IRX3: variants seen among roughly 807,000 people sequenced by gnomAD.
IRX3 encodes the protein iroquois homeobox 3, also known as iroquois-class homeodomain protein IRX-3.
Under a neutral mutation model 36.4 loss-of-function variants are expected in IRX3, and 20 were observed. The observed-to-expected ratio is 0.55, with a 90% CI of 0.39 to 0.80. The LOEUF is 0.80. IRX3 is among the 30% of genes least tolerant of loss of function. IRX3 has a pLI of 0.00. For synonymous variants in IRX3, 404 were observed against 351.6 expected, an observed-to-expected ratio of 1.15 and a Z score of -1.67; for missense variants, 718 against 733.2, an observed-to-expected ratio of 0.98 and a Z score of 0.24.
At position 54,286,097 on chromosome 16, in the gene IRX3, G is replaced by T; in HGVS notation, c.-47C>A. ...GGAGAGGGGGGCCGACCCCCGGGCC[G>T]CCCAGCTCAGCGCCGCCCGCGGGCT... On this transcript the variant is annotated 5_prime_UTR_variant, in exon 1 of 4. Coordinates refer to ENST00000329734, the MANE Select transcript of IRX3 (RefSeq NM_024336.3). 1 of 1,214,418 alleles carries T rather than the reference G, an allele frequency of 8.2e-7. No individual in the cohort carries two copies. The highest frequency in any genetic ancestry group is 1.0e-6 in the Non-Finnish European group (1 of 969,564). 75.2% of individuals were successfully genotyped at this position (1,214,418 alleles called of 1,614,324 possible). A position where few individuals can be genotyped will look rare whatever the true frequency, so the allele number is the denominator to read the frequency against.
At position 54,284,530 on chromosome 16, in the gene IRX3, AGGC is replaced by A. The variant is rs1343062461; in HGVS notation, c.1348_1350del (p.Ala450del). 2.8e-6 allele frequency: 4 copies of A among 1,416,298 alleles called. No homozygotes were observed. Among genetic ancestry groups the A allele is most frequent in the Non-Finnish European group, 2.7e-6 (3 of 1,095,476 alleles). The allele number at this position is 1,416,298 out of a possible 1,614,324, so 87.7% of individuals were successfully genotyped here. A position where few individuals can be genotyped will look rare whatever the true frequency, so the allele number is the denominator to read the frequency against. On this transcript the variant is annotated inframe_deletion, in exon 2 of 4. Coordinates refer to ENST00000329734, the MANE Select transcript of IRX3 (RefSeq NM_024336.3). The surrounding 1 kb of genome is among the most constrained non-coding windows in gnomAD (Gnocchi z 4.0). Reference sequence around the variant, plus strand: ...CCTTCGGGCTCCGCTGGCCGAGCGAAGGCGGCGGCGGCAGCCGGGTGGCCCGCG... The same window carrying A: ...CCTTCGGGCTCCGCTGGCCGAGCGAAGGCGGCGGCAGCCGGGTGGCCCGCG...
At position 54,285,002 on chromosome 16, in the gene IRX3, C is replaced by G. The variant is rs750317837; in HGVS notation, c.879G>C (p.Ser293=). ...CCTCTAAGCCCTCAGAGCTATCTTC[C>G]GAGTCGCTATTTTTGGAGTCCGAAA... ...GPISDSKNSD[S]EDSSEGLEDR... Residue 293 remains serine (S), a synonymous_variant, in exon 2 of 4, where the codon TCG becomes TCC. Coordinates refer to ENST00000329734, the MANE Select transcript of IRX3 (RefSeq NM_024336.3). The surrounding 1 kb of genome is among the most constrained non-coding windows in gnomAD (Gnocchi z 5.7). 8.7e-6 allele frequency: 14 copies of G among 1,613,558 alleles called. No homozygotes were observed. Among genetic ancestry groups the G allele is most frequent in the Admixed American group, 1.7e-5 (1 of 59,990 alleles).
Position 54,284,310 on chromosome 16 carries a change from G to A in IRX3, c.1387C>T (p.Arg463Cys), listed in dbSNP as rs949443713. ...TTCTCCACTTCCAAGGCACTACAGCGATCTAAGGGAAGCGGGGGAAGAAAA... is the reference window on the plus strand; with the variant it reads ...TTCTCCACTTCCAAGGCACTACAGCAATCTAAGGGAAGCGGGGGAAGAAAA... ...RPAEPEGGTDRCSALEVEKKL... is the reference protein window; with the variant it reads ...RPAEPEGGTDCCSALEVEKKL... Residue 463 changes from arginine to cysteine, a missense_variant and splice_region_variant, in exon 3 of 4, where the codon CGC becomes TGC. Transcript: ENST00000329734. The surrounding 1 kb of genome is among the most constrained non-coding windows in gnomAD (Gnocchi z 4.0). 3 of 1,605,040 alleles carry A rather than the reference G, an allele frequency of 1.9e-6. No homozygotes were observed. The highest frequency in any genetic ancestry group is 1.7e-6 in the Non-Finnish European group (2 of 1,176,094).
In IRX3 at chr16:54,285,644, C is replaced by A. The variant is rs539977846; in HGVS notation, c.268-31G>T. The A allele has an allele frequency of 4.0e-5, 59 of 1,485,294 alleles. No homozygotes were observed. In the Middle Eastern group the frequency reaches 5.4e-4, roughly 14 times the overall value. The allele number at this position is 1,485,294 out of a possible 1,614,324, so 92.0% of individuals were successfully genotyped here. ...CGCACATGGAGAAGGAAGGGACACGCGCGGAGGGAGCGCGAGTGAGCCCCA... is the reference window on the plus strand; with the variant it reads ...CGCACATGGAGAAGGAAGGGACACGAGCGGAGGGAGCGCGAGTGAGCCCCA... On this transcript the variant is annotated intron_variant, in intron 1 of 3. Transcript: ENST00000329734. This position sits in a 1 kb window ranked among gnomAD's most constrained non-coding sequence, Gnocchi z 5.7.
At position 54,284,234 on chromosome 16, in the gene IRX3, G is replaced by C. The variant is rs766835088; in HGVS notation, c.1451+12C>G. 2 of 1,609,434 alleles carry C rather than the reference G, an allele frequency of 1.2e-6. No homozygotes were observed. Among genetic ancestry groups the C allele is most frequent in the African/African-American group, 2.7e-5 (2 of 74,600 alleles). ...CCAGTCCCCCTGGCCCCTCAACCTC[G>C]GGGTTTCTTACCGCCTGGGCACGGG... On this transcript the variant is annotated intron_variant, in intron 3 of 3. Transcript: ENST00000329734. This position sits in a 1 kb window ranked among gnomAD's most constrained non-coding sequence, Gnocchi z 4.0.
chr16:54,286,255 C>A lies in IRX3; in HGVS notation c.-205G>T. 3 of 1,006,794 alleles carry A rather than the reference C, an allele frequency of 3.0e-6. No individual in the cohort carries two copies. In the South Asian group the frequency reaches 1.4e-4, roughly 46 times the overall value. 62.4% of individuals were successfully genotyped at this position (1,006,794 alleles called of 1,614,324 possible). A position where few individuals can be genotyped will look rare whatever the true frequency, so the allele number is the denominator to read the frequency against. On this transcript the variant is annotated 5_prime_UTR_variant, in exon 1 of 4. It removes the in-frame stop codon of an upstream open reading frame in the 5' UTR. Coordinates refer to ENST00000329734, the MANE Select transcript of IRX3 (RefSeq NM_024336.3). ...CGAGGGCGGCGGCGAGGAGCCAGGT[C>A]AGGTCCGAACAGATTGGCGGAGATT...
Position 54,285,117 on chromosome 16 carries a change from T to C in IRX3, c.764A>G (p.Asp255Gly). The C allele has an allele frequency of 6.2e-7, 1 of 1,613,160 alleles. No individual in the cohort carries two copies. The highest frequency in any genetic ancestry group is 8.5e-7 in the Non-Finnish European group (1 of 1,179,826). ...GGCCGCGCCGTCTAAGTTCTCCAAA[T>C]CGATCTCCTCGTCCTCGTCGTCGTC... ...LADDDEDEEIDLENLDGAATE... is the reference protein window; with the variant it reads ...LADDDEDEEIGLENLDGAATE... The change falls in exon 2 of 4, where the codon GAT becomes GGT. Residue 255 changes from aspartate (D) to glycine (G), a missense_variant. This residue lies in a region of IRX3 where 468 missense variants were observed against 462.1 expected (regional missense o/e 1.01). Coordinates refer to ENST00000329734, the MANE Select transcript of IRX3 (RefSeq NM_024336.3). This position sits in a 1 kb window ranked among gnomAD's most constrained non-coding sequence, Gnocchi z 5.7.
Position 54,283,463 on chromosome 16 carries a change from CA to C in IRX3, c.*222del, listed in dbSNP as rs1449171518. ...ACTCCACCCCCCAAAATCAACCGGA[CA>C]AACAAACCTCACAGCGAATGCGGGG... On this transcript the variant is annotated 3_prime_UTR_variant, in exon 4 of 4. Coordinates refer to ENST00000329734, the MANE Select transcript of IRX3 (RefSeq NM_024336.3). The surrounding 1 kb of genome is among the most constrained non-coding windows in gnomAD (Gnocchi z 4.4). The C allele has an allele frequency of 4.0e-5, 19 of 478,104 alleles. No homozygotes were observed. The highest frequency in any genetic ancestry group is 5.9e-4 in the Middle Eastern group (1 of 1,700). 29.6% of individuals were successfully genotyped at this position (478,104 alleles called of 1,614,324 possible). A position where few individuals can be genotyped will look rare whatever the true frequency, so the allele number is the denominator to read the frequency against.
chr16:54,285,101 G>C lies in IRX3; in HGVS notation c.780C>G (p.Asp260Glu). The change falls in exon 2 of 4, where the codon GAC becomes GAG. Residue 260 changes from aspartate to glutamate, a missense_variant. Physicochemically the swap from Asp to Glu is conservative, Grantham distance 45. This residue lies in a region of IRX3 where 468 missense variants were observed against 462.1 expected (regional missense o/e 1.01). Coordinates refer to ENST00000329734, the MANE Select transcript of IRX3 (RefSeq NM_024336.3). The surrounding 1 kb of genome is among the most constrained non-coding windows in gnomAD (Gnocchi z 5.7). ...ACAGCTCAGGCTCGGTGGCCGCGCCGTCTAAGTTCTCCAAATCGATCTCCT... is the reference window on the plus strand; with the variant it reads ...ACAGCTCAGGCTCGGTGGCCGCGCCCTCTAAGTTCTCCAAATCGATCTCCT... Reference protein sequence around the residue: ...EDEEIDLENLDGAATEPELSL... With the variant: ...EDEEIDLENLEGAATEPELSL... The C allele has an allele frequency of 2.5e-6, 4 of 1,613,634 alleles. No individual in the cohort carries two copies. Among genetic ancestry groups the C allele is most frequent in the Non-Finnish European group, 3.4e-6 (4 of 1,179,924 alleles).
Position 54,286,362 on chromosome 16 carries a change from C to T in IRX3, c.-312G>A. 5 of 987,646 alleles carry T rather than the reference C, an allele frequency of 5.1e-6. No individual in the cohort carries two copies. The highest frequency in any genetic ancestry group is 4.8e-6 in the Non-Finnish European group (4 of 831,594). The allele number at this position is 987,646 out of a possible 1,614,324, so 61.2% of individuals were successfully genotyped here. On this transcript the variant is annotated 5_prime_UTR_variant, in exon 1 of 4. Coordinates refer to ENST00000329734, the MANE Select transcript of IRX3 (RefSeq NM_024336.3). ...CGCCGCGCTCCCTCCTCTCGGCCGC[C>T]GGAGCTGCCTCTGCCCGCTCCTCGC...
chr16:54,283,805 G>T lies in IRX3; in HGVS notation c.1452-65C>A. ...CAGGAGCGCAGAGGCTGCCTAGGGC[G>T]GGGAGATCCTACTTGGATTGGGGCC... On this transcript the variant is annotated intron_variant, in intron 3 of 3. Transcript: ENST00000329734. This position sits in a 1 kb window ranked among gnomAD's most constrained non-coding sequence, Gnocchi z 4.4. 1 of 1,597,324 alleles carries T rather than the reference G, an allele frequency of 6.3e-7. No homozygotes were observed. Among genetic ancestry groups the T allele is most frequent in the Admixed American group, 1.8e-5 (1 of 56,674 alleles).
Position 54,283,618 on chromosome 16 carries a change from A to G in IRX3, c.*68T>C, listed in dbSNP as rs1901226608. The G allele has an allele frequency of 2.6e-6, 2 of 782,466 alleles. No individual in the cohort carries two copies. The highest frequency in any genetic ancestry group is 3.5e-4 in the Middle Eastern group (1 of 2,824). The allele number at this position is 782,466 out of a possible 1,614,324, so 48.5% of individuals were successfully genotyped here. A position where few individuals can be genotyped will look rare whatever the true frequency, so the allele number is the denominator to read the frequency against. On this transcript the variant is annotated 3_prime_UTR_variant, in exon 4 of 4. Coordinates refer to ENST00000329734, the MANE Select transcript of IRX3 (RefSeq NM_024336.3). The surrounding 1 kb of genome is among the most constrained non-coding windows in gnomAD (Gnocchi z 4.4). ...TTACAAGTTGTAACTATACAGAGCG[A>G]TTTTTTTTATACAATTATTACAACG...
Position 54,284,389 on chromosome 16 carries a change from G to A in IRX3, c.1385-77C>T, listed in dbSNP as rs1479050578. 2 of 1,509,028 alleles carry A rather than the reference G, an allele frequency of 1.3e-6. No homozygotes were observed. The highest frequency in any genetic ancestry group is 1.8e-6 in the Non-Finnish European group (2 of 1,134,290). 93.5% of individuals were successfully genotyped at this position (1,509,028 alleles called of 1,614,324 possible). ...GCGCCCAGGGCCGCAGAAAGCAGGAGTGGAGAGGGACGCGCGCCCTGCGCC... is the reference window on the plus strand; with the variant it reads ...GCGCCCAGGGCCGCAGAAAGCAGGAATGGAGAGGGACGCGCGCCCTGCGCC... On this transcript the variant is annotated intron_variant, in intron 2 of 3. Coordinates refer to ENST00000329734, the MANE Select transcript of IRX3 (RefSeq NM_024336.3). The surrounding 1 kb of genome is among the most constrained non-coding windows in gnomAD (Gnocchi z 4.0).
Position 54,285,584 on chromosome 16 carries a change from G to A in IRX3, c.297C>T (p.Pro99=). 6.4e-7 allele frequency: 1 copy of A among 1,565,978 alleles called. No individual in the cohort carries two copies. The highest frequency in any genetic ancestry group is 8.7e-7 in the Non-Finnish European group (1 of 1,155,912). The stretch of plus-strand genomic sequence containing the variant: ...CAGCCGCGGCCGGATGCTGCACCCC[G>A]GGGCTGTCCTTCAGCTCATACTGCG... ...LGAQYELKDS[P]GVQHPAAAAA... The change falls in exon 2 of 4, where the codon CCC becomes CCT. Residue 99 remains proline, a synonymous_variant. Coordinates refer to ENST00000329734, the MANE Select transcript of IRX3 (RefSeq NM_024336.3). The surrounding 1 kb of genome is among the most constrained non-coding windows in gnomAD (Gnocchi z 5.7).
chr16:54,286,310 C>G lies in IRX3; in HGVS notation c.-260G>C. The G allele has an allele frequency of 2.0e-6, 2 of 993,372 alleles. No individual in the cohort carries two copies. Among genetic ancestry groups the G allele is most frequent in the Non-Finnish European group, 2.4e-6 (2 of 835,474 alleles). 61.5% of individuals were successfully genotyped at this position (993,372 alleles called of 1,614,324 possible). A position where few individuals can be genotyped will look rare whatever the true frequency, so the allele number is the denominator to read the frequency against. ...GGGCTCCGGGCTCTGATTGACATTT[C>G]TACGGGGCGCAAGCCCCTCCTCTCT... On this transcript the variant is annotated 5_prime_UTR_variant, in exon 1 of 4. Coordinates refer to ENST00000329734, the MANE Select transcript of IRX3 (RefSeq NM_024336.3).
rs771808886 is a variant in IRX3 at position 54,284,646 on chromosome 16, G to A, written c.1235C>T (p.Pro412Leu). ...LGKFPAWTNR[P>L]FPGPPPGPRL... ...GGGGCCGGGCGGTGGGCCTGGAAAC[G>A]GCCGGTTGGTCCAAGCCGGGAACTT... Residue 412 changes from proline to leucine, a missense_variant, in exon 2 of 4, where the codon CCG becomes CTG. By Grantham distance (98) the Pro-to-Leu change is moderately conservative. Coordinates refer to ENST00000329734, the MANE Select transcript of IRX3 (RefSeq NM_024336.3). The surrounding 1 kb of genome is among the most constrained non-coding windows in gnomAD (Gnocchi z 4.0). 6.5e-6 allele frequency: 9 copies of A among 1,379,224 alleles called. No homozygotes were observed. The East Asian group carries it at 2.1e-4, about 33-fold the overall frequency. The allele number at this position is 1,379,224 out of a possible 1,614,324, so 85.4% of individuals were successfully genotyped here.
chr16:54,284,048 G>A lies in IRX3; in HGVS notation c.1451+198C>T, dbSNP rs1478085641. ...GCGCTGTACCCTCCGGCCGCGCCTG[G>A]GGTGCCTGGGCTGGACCTGGAGAGC... is the stretch of plus-strand genomic sequence containing the variant. On this transcript the variant is annotated intron_variant, in intron 3 of 3. Coordinates refer to ENST00000329734, the MANE Select transcript of IRX3 (RefSeq NM_024336.3). The surrounding 1 kb of genome is among the most constrained non-coding windows in gnomAD (Gnocchi z 4.0). The A allele has an allele frequency of 1.5e-6, 2 of 1,292,848 alleles. No individual in the cohort carries two copies. Among genetic ancestry groups the A allele is most frequent in the East Asian group, 2.6e-5 (1 of 39,126 alleles). The allele number at this position is 1,292,848 out of a possible 1,614,324, so 80.1% of individuals were successfully genotyped here. A position where few individuals can be genotyped will look rare whatever the true frequency, so the allele number is the denominator to read the frequency against.
Position 54,284,750 on chromosome 16 carries a change from C to A in IRX3, c.1131G>T (p.Ala377=), listed in dbSNP as rs1053702691. The A allele has an allele frequency of 6.9e-7, 1 of 1,456,420 alleles. No individual in the cohort carries two copies. Among genetic ancestry groups the A allele is most frequent in the Non-Finnish European group, 9.0e-7 (1 of 1,117,218 alleles). 90.2% of individuals were successfully genotyped at this position (1,456,420 alleles called of 1,614,324 possible). A position where few individuals can be genotyped will look rare whatever the true frequency, so the allele number is the denominator to read the frequency against. ...AGAGCTGCAGGGCGGAAGGCGCGAC[C>A]GCTGCCCCCGGTGGAGACCCCCCCG... ...PGAGGSPPGA[A]VAPSALQLSP... is the part of the protein sequence containing the mutation. The change falls in exon 2 of 4, where the codon GCG becomes GCT. Residue 377 remains alanine (A), a synonymous_variant. Transcript: ENST00000329734. This position sits in a 1 kb window ranked among gnomAD's most constrained non-coding sequence, Gnocchi z 4.0.
chr16:54,283,814 C>T lies in IRX3; in HGVS notation c.1452-74G>A. Reference sequence around the variant, plus strand: ...AGAGGCTGCCTAGGGCGGGGAGATCCTACTTGGATTGGGGCCGATCGTCAG... The same window carrying T: ...AGAGGCTGCCTAGGGCGGGGAGATCTTACTTGGATTGGGGCCGATCGTCAG... On this transcript the variant is annotated intron_variant, in intron 3 of 3. Coordinates refer to ENST00000329734, the MANE Select transcript of IRX3 (RefSeq NM_024336.3). The surrounding 1 kb of genome is among the most constrained non-coding windows in gnomAD (Gnocchi z 4.4). The T allele has an allele frequency of 1.9e-6, 3 of 1,593,586 alleles. No individual in the cohort carries two copies. The highest frequency in any genetic ancestry group is 1.9e-4 in the Middle Eastern group (1 of 5,144).
Sources: gnomAD v4.1 joint callset for allele counts on GRCh38, gnomAD v4.1.1 for gene constraint, gnomAD v4.1.1 regional missense constraint, Gnocchi (gnomAD v3.1) non-coding constraint, MANE v1.5 for transcripts, NCBI Gene and HGNC (gene_info 2026-07-23, HGNC 2026-07-21) for gene names.